Variants in TTC28 observed in about 807,000 individuals in gnomAD.
TTC28 encodes tetratricopeptide repeat domain 28, also known as tetratricopeptide repeat protein 28.
A neutral mutation model predicts 198.0 loss-of-function variants in TTC28; 61 were observed. The ratio of observed to expected loss-of-function variants is 0.31; its 90% CI spans 0.25 to 0.38. The LOEUF is 0.38. Among genes scored for constraint, TTC28 ranks in the 10% least tolerant of loss-of-function variants. TTC28 has a pLI of 1.00. For synonymous variants in TTC28, 1,171 were observed against 1,297.8 expected, an observed-to-expected ratio of 0.90 and a Z score of 2.10; for missense variants, 2,678 against 3,164.0, an observed-to-expected ratio of 0.85 and a Z score of 3.69.
At chr22:28,144,916 G>T (rs765354425) in intron 6 of TTC28, among the ~76,000 whole-genome samples, 2 of 152,216 alleles carry the variant, frequency 1.3e-5, no homozygotes, top group Non-Finnish European at 2.9e-5. Context: ...CTTAAAGGAA[G>T]GGGTGTTTCC....
intron 2 of TTC28, among the ~76,000 whole-genome samples, chr22:28,568,021 G>T (rs1017420154): frequency 6.6e-6 from 1 of 151,960 alleles, no homozygotes; most frequent in African/African-American, 2.4e-5. Flanking sequence ...ACAAAAAAGG[G>T]GGAAGAATGA....
intron 2 of TTC28, among the ~76,000 whole-genome samples, chr22:28,373,763 C>A (rs2046370825): frequency 6.6e-6 from 1 of 152,120 alleles, no homozygotes; most frequent in African/African-American, 2.4e-5. Context: ...GTAATCACTG[C>A]CCCAAAGAAA....
At chr22:28,269,390 T>C (rs1485506158) in intron 5 of TTC28, among the ~76,000 whole-genome samples, 1 of 152,176 alleles carries the variant, frequency 6.6e-6, no homozygotes, top group East Asian at 1.9e-4. Flanking sequence ...TTGTGGTGTC[T>C]CAACACTCTT....
chr22:28,481,149 T>C lies in TTC28; in HGVS notation c.381+148403A>G, dbSNP rs570249697. Among the ~76,000 whole-genome samples, 133 of 152,344 alleles carry C rather than the reference T, an allele frequency of 8.7e-4. 2 individuals carry two copies. In the South Asian group the frequency reaches 0.024, roughly 27 times the overall value. On this transcript the variant is annotated intron_variant, in intron 2 of 22. Transcript: ENST00000397906. The stretch of plus-strand genomic sequence containing the variant: ...TCAACTCAACATAAAATCAAGCTAT[T>C]TCAAGACAGATACTTTTAAAAGAAT...
At chr22:28,555,673 T>A (rs2049774623) in intron 2 of TTC28, among the ~76,000 whole-genome samples, 1 of 152,046 alleles carries the variant, frequency 6.6e-6, no homozygotes, top group African/African-American at 2.4e-5. Flanking sequence ...AATGATACAT[T>A]GGACTTTGGG....
At chr22:28,582,406 G>C (rs2050245525) in intron 2 of TTC28, among the ~76,000 whole-genome samples, 1 of 152,064 alleles carries the variant, frequency 6.6e-6, no homozygotes, top group Non-Finnish European at 1.5e-5. Context: ...TTTCAAGGAA[G>C]ACATGGCTGG....
At position 28,243,415 on chromosome 22, in the gene TTC28, T is replaced by C. The variant is rs531807832; in HGVS notation, c.933+52783A>G. ...CTGGAGTTTTCATATTTGGCTCTTT[T>C]TTTTCCCTTTTTTTTTTTCGTTTTT... On this transcript the variant is annotated intron_variant, in intron 5 of 22. Transcript: ENST00000397906. 4.7e-5 allele frequency among the ~76,000 whole-genome samples: 7 copies of C among 150,138 alleles called. No individual in the cohort carries two copies. The South Asian group carries it at 1.5e-3, about 32-fold the overall frequency.
At chr22:28,660,847 T>G (rs2051731509) in intron 1 of TTC28, among the ~76,000 whole-genome samples, 1 of 150,184 alleles carries the variant, frequency 6.7e-6, no homozygotes, top group Admixed American at 6.7e-5. Context: ...TTAGTAGAGA[T>G]GGGTTTCACC....
At chr22:28,362,212 G>A (rs1423839774) in intron 2 of TTC28, among the ~76,000 whole-genome samples, 1 of 152,032 alleles carries the variant, frequency 6.6e-6, no homozygotes, top group African/African-American at 2.4e-5. Flanking sequence ...AATCATGGGG[G>A]CAAGTCTTTG....
chr22:28,096,968 C>T (rs1186797052), intron 10 of TTC28, among the ~76,000 whole-genome samples: 1 of 152,116 alleles, frequency 6.6e-6, no homozygotes, highest in African/African-American at 2.4e-5. Flanking sequence ...CCATTCCTGG[C>T]TAATTTTCAT....
chr22:28,101,246 T>C lies in TTC28; in HGVS notation c.3342A>G (p.Glu1114=). ...GGCCATGGCGAATTTTTGCCTCATC[T>C]TCTCTTCGGCCCAGTTGCTCAGCTA... ...LRLAEQLGRR[E]DEAKIRHGLG... Residue 1114 remains glutamate, a synonymous_variant, in exon 9 of 23, where the codon GAA becomes GAG. Coordinates refer to ENST00000397906, the MANE Select transcript of TTC28 (RefSeq NM_001145418.2). The C allele has an allele frequency of 6.4e-7, 1 of 1,551,684 alleles. No homozygotes were observed. Among genetic ancestry groups the C allele is most frequent in the Non-Finnish European group, 8.7e-7 (1 of 1,146,938 alleles).
intron 14 of TTC28, among the ~76,000 whole-genome samples, chr22:28,003,643 G>A (rs1021051978): frequency 1.3e-5 from 2 of 152,228 alleles, no homozygotes; most frequent in African/African-American, 4.8e-5. Flanking sequence ...ACCTAACTGT[G>A]TGAACCGGAG....
chr22:28,568,972 C>G (rs1001246299), intron 2 of TTC28, among the ~76,000 whole-genome samples: 1 of 151,856 alleles, frequency 6.6e-6, no homozygotes, highest in African/African-American at 2.4e-5. Flanking sequence ...TATGGTGAAA[C>G]CCCATCTCTA....
In TTC28 at chr22:28,499,906, C is replaced by T. The variant is rs79135398; in HGVS notation, c.381+129646G>A. Among the ~76,000 whole-genome samples the T allele has an allele frequency of 8.6e-3, 1,314 of 152,226 alleles. 18 individuals carry two copies. Among genetic ancestry groups the T allele is most frequent in the African/African-American group, 0.03 (1,255 of 41,526 alleles). The stretch of plus-strand genomic sequence containing the variant: ...AGATTGGGGTAATCAGCATACTCAT[C>T]ATCTCAAACATTTATCATTTCTTCA... On this transcript the variant is annotated intron_variant, in intron 2 of 22. Coordinates refer to ENST00000397906, the MANE Select transcript of TTC28 (RefSeq NM_001145418.2).
At chr22:28,224,887 G>T (rs923928272) in intron 5 of TTC28, among the ~76,000 whole-genome samples, 30 of 152,140 alleles carry the variant, frequency 2.0e-4, no homozygotes, top group African/African-American at 7.0e-4. Flanking sequence ...ACCAGAATAT[G>T]TTCATAATGA....
chr22:28,192,618 C>G (rs568142784), intron 5 of TTC28, among the ~76,000 whole-genome samples: 1 of 152,100 alleles, frequency 6.6e-6, no homozygotes, highest in Admixed American at 6.5e-5. Context: ...GAGCTGAAAA[C>G]CATGGCATGA....
intron 5 of TTC28, among the ~76,000 whole-genome samples, chr22:28,176,474 T>C (rs574734283): frequency 6.6e-6 from 1 of 152,216 alleles, no homozygotes; most frequent in Non-Finnish European, 1.5e-5. Context: ...TACAATTAGA[T>C]GGGAGGAATA....
At chr22:28,216,521 T>C (rs1420795369) in intron 5 of TTC28, among the ~76,000 whole-genome samples, 2 of 152,128 alleles carry the variant, frequency 1.3e-5, no homozygotes, top group Non-Finnish European at 2.9e-5. Flanking sequence ...TTATATCATC[T>C]TTGCTACACG....
intron 2 of TTC28, among the ~76,000 whole-genome samples, chr22:28,317,337 A>G (rs2045368544): frequency 6.6e-6 from 1 of 151,908 alleles, no homozygotes; most frequent in Non-Finnish European, 1.5e-5. Flanking sequence ...TATATTCTGG[A>G]TATTTTGTTA....
Sources: allele counts gnomAD v4.1 joint callset (sites outside exome capture counted in the v4.1 genomes callset), GRCh38; gene constraint gnomAD v4.1.1; transcripts MANE v1.5; gene names NCBI Gene and HGNC (gene_info 2026-07-23, HGNC 2026-07-21).